The following ACOXL variants were observed in gnomAD, a reference collection of about 807,000 sequenced individuals.
The protein encoded by ACOXL is acyl-CoA oxidase like.
A neutral mutation model predicts 71.9 loss-of-function variants in ACOXL; 70 were observed. That is an observed-to-expected ratio of 0.97 (90% CI 0.80 to 1.19). ACOXL has a LOEUF of 1.19. Ranked by LOEUF, ACOXL falls within the 50% of genes most tolerant of loss-of-function variation. The pLI is 0.00. For synonymous variants in ACOXL, 253 were observed against 281.6 expected (o/e 0.90, Z 1.02); for missense variants, 703 against 736.3 (o/e 0.95, Z 0.52).
chr2:110,800,225 A>T (rs1375161191), intron 7 of ACOXL, among the ~76,000 whole-genome samples: 2 of 152,210 alleles, frequency 1.3e-5, no homozygotes, highest in African/African-American at 2.4e-5. Flanking sequence ...TCATTCTTGA[A>T]GTCAGCAAGA....
intron 3 of ACOXL, 59 bp from the exon 4 acceptor site, chr2:110,793,591 T>C: frequency 6.6e-7 from 1 of 1,511,144 alleles, no homozygotes; most frequent in Non-Finnish European, 9.2e-7. Context: ...GCCGTGGATT[T>C]AATTGTCTTT....
intron 11 of ACOXL, among the ~76,000 whole-genome samples, chr2:110,914,209 G>A (rs145822380): frequency 6.6e-6 from 1 of 152,106 alleles, no homozygotes; most frequent in Non-Finnish European, 1.5e-5. Context: ...AAGAAATCAG[G>A]TTATGTGAGT....
intron 10 of ACOXL, among the ~76,000 whole-genome samples, chr2:110,902,284 A>G (rs143032162): frequency 6.2e-4 from 94 of 152,232 alleles, no homozygotes; most frequent in Admixed American, 1.0e-3. Flanking sequence ...AGCCTGGACA[A>G]CGTGATGAAA....
chr2:110,847,190 T>C (rs115836239), intron 10 of ACOXL, among the ~76,000 whole-genome samples: 76 of 152,046 alleles, frequency 5.0e-4, no homozygotes, highest in African/African-American at 1.8e-3. Context: ...GGTGTTTTGT[T>C]TTTTTCTCTT....
intron 3 of ACOXL, 79 bp from the exon 4 acceptor site, chr2:110,793,571 T>C (rs547351379): frequency 6.0e-5 from 79 of 1,324,978 alleles, no homozygotes; most frequent in Non-Finnish European, 8.3e-5. Context: ...TGCTCCCTGA[T>C]TGGAGTTTGG....
intron 14 of ACOXL, among the ~76,000 whole-genome samples, chr2:111,013,068 T>A (rs1178543061): frequency 6.6e-6 from 1 of 152,128 alleles, no homozygotes; most frequent in African/African-American, 2.4e-5. Context: ...AAAGATAAAG[T>A]ACAAATTAAC....
chr2:110,995,929 C>T lies in ACOXL; in HGVS notation c.1206C>T (p.Leu402=), dbSNP rs898182037. 4.3e-6 allele frequency: 7 copies of T among 1,609,496 alleles called. No homozygotes were observed. Among genetic ancestry groups the T allele is most frequent in the South Asian group, 2.2e-5 (2 of 91,056 alleles). Residue 402 remains leucine (L), a synonymous_variant, in exon 14 of 18, where the codon CTC becomes CTT. Coordinates refer to ENST00000439055, the MANE Select transcript of ACOXL (RefSeq NM_001142807.4). ...LAFNMDTVDD[L]AFLLKAVKFR... ...TTAACATGGACACAGTTGATGATCT[C>T]GCCTTTCTGTTGAAAGCAGTGAAAT... is the stretch of plus-strand genomic sequence containing the variant.
chr2:110,810,405 G>A lies in ACOXL; in HGVS notation c.753+5010G>A, dbSNP rs187245410. Reference sequence around the variant, plus strand: ...TAGAGCCCTACATGTCATGGAAATCGTTTTACTCTTCTAACCTTCCTTCCA... The same window carrying A: ...TAGAGCCCTACATGTCATGGAAATCATTTTACTCTTCTAACCTTCCTTCCA... On this transcript the variant is annotated intron_variant, in intron 9 of 17. Transcript: ENST00000439055. Among the ~76,000 whole-genome samples the A allele has an allele frequency of 1.1e-4, 16 of 152,066 alleles. No homozygotes were observed. The East Asian group carries it at 1.2e-3, about 11-fold the overall frequency.
At chr2:111,007,911 A>G (rs2063952737) in intron 14 of ACOXL, among the ~76,000 whole-genome samples, 1 of 152,136 alleles carries the variant, frequency 6.6e-6, no homozygotes, top group Admixed American at 6.5e-5. Flanking sequence ...CCTCTTTCCT[A>G]TTTCAAACAT....
intron 2 of ACOXL, among the ~76,000 whole-genome samples, chr2:110,782,491 C>T (rs1404836957): frequency 1.3e-5 from 2 of 152,160 alleles, no homozygotes; most frequent in African/African-American, 2.4e-5. Flanking sequence ...CAAATATATG[C>T]TTAAATCAAC....
intron 11 of ACOXL, among the ~76,000 whole-genome samples, chr2:110,918,165 A>G (rs570164314): frequency 4.5e-4 from 69 of 152,360 alleles, no homozygotes; most frequent in African/African-American, 1.6e-3. Context: ...ACTATACTAC[A>G]AGGCTACAGT....
intron 3 of ACOXL, 72 bp downstream of exon 3, chr2:110,784,887 C>G (rs1683767162): frequency 1.4e-6 from 2 of 1,410,318 alleles, no homozygotes. Context: ...AAAACTATAA[C>G]CCCGTGAGCT....
At chr2:110,931,541 A>G (rs2060479322) in intron 11 of ACOXL, among the ~76,000 whole-genome samples, 1 of 152,168 alleles carries the variant, frequency 6.6e-6, no homozygotes, top group South Asian at 2.1e-4. Flanking sequence ...ATTATCTATA[A>G]TGAAAAGAAC....
intron 10 of ACOXL, among the ~76,000 whole-genome samples, chr2:110,856,605 A>G (rs887805961): frequency 6.6e-6 from 1 of 152,232 alleles, no homozygotes; most frequent in Non-Finnish European, 1.5e-5. Context: ...GAAGAAGGAA[A>G]AAGAAATTTG....
chr2:110,852,820 A>G, intron 10 of ACOXL, among the ~76,000 whole-genome samples: 1 of 152,110 alleles, frequency 6.6e-6, no homozygotes, highest in Non-Finnish European at 1.5e-5. Flanking sequence ...CCATGCAGAG[A>G]AGTCCACCTA....
chr2:110,816,533 C>A (rs539729267), intron 9 of ACOXL, among the ~76,000 whole-genome samples: 1 of 152,320 alleles, frequency 6.6e-6, no homozygotes, highest in Admixed American at 6.5e-5. Flanking sequence ...TGTATCTGGG[C>A]AATGACTGTT....
intron 11 of ACOXL, among the ~76,000 whole-genome samples, chr2:110,915,127 T>C (rs909979776): frequency 1.3e-5 from 2 of 152,048 alleles, no homozygotes; most frequent in African/African-American, 4.8e-5. Context: ...TTGTTGTTGT[T>C]GATGCCCTTT....
chr2:110,763,058 G>GA (rs1227029900), intron 1 of ACOXL, among the ~76,000 whole-genome samples: 2 of 152,118 alleles, frequency 1.3e-5, no homozygotes, highest in Non-Finnish European at 2.9e-5. Context: ...AGTCATGAAT[G>GA]AAAAAAATCC....
At chr2:110,849,537 C>A (rs1692341508) in intron 10 of ACOXL, among the ~76,000 whole-genome samples, 1 of 152,192 alleles carries the variant, frequency 6.6e-6, no homozygotes, top group South Asian at 2.1e-4. Context: ...GCAGGTGGAT[C>A]ACCTGAGGTC....
Sources: gnomAD v4.1 joint callset for allele counts (sites outside exome capture counted in the v4.1 genomes callset) on GRCh38, gnomAD v4.1.1 for gene constraint, MANE v1.5 for transcripts, NCBI Gene and HGNC (gene_info 2026-07-23, HGNC 2026-07-21) for gene names.